The following TCEANC2 variants were observed in gnomAD, a reference collection of about 807,000 sequenced individuals.
TCEANC2 encodes transcription elongation factor A N-terminal and central domain containing 2.
A neutral mutation model predicts 22.8 loss-of-function variants in TCEANC2; 20 were observed. The ratio of observed to expected loss-of-function variants is 0.88; its 90% CI spans 0.62 to 1.28. The LOEUF is 1.28. Among genes scored for constraint, TCEANC2 ranks in the 50% most tolerant of loss-of-function variants. The probability of loss-of-function intolerance (pLI) is 0.00; values close to 1 mark genes in which losing one functional copy is unlikely to be tolerated. For synonymous variants in TCEANC2, 84 were observed against 95.5 expected (o/e 0.88, Z 0.70); for missense variants, 251 against 249.7 (o/e 1.01, Z -0.03).
intron 2 of TCEANC2, among the ~76,000 whole-genome samples, chr1:54,062,089 G>T (rs1021124077): frequency 6.6e-6 from 1 of 152,140 alleles, no homozygotes; most frequent in African/African-American, 2.4e-5. Context: ...GCCTTTGTAG[G>T]ATCAACTAGC....
chr1:54,064,566 G>A (rs186142714), intron 2 of TCEANC2, among the ~76,000 whole-genome samples: 44 of 151,170 alleles, frequency 2.9e-4, no homozygotes, highest in African/African-American at 1.0e-3. Flanking sequence ...CTGAAGTGAA[G>A]TTACAAAGTT....
At chr1:54,087,555 G>C (rs1658362292) in intron 3 of TCEANC2, among the ~76,000 whole-genome samples, 1 of 152,098 alleles carries the variant, frequency 6.6e-6, no homozygotes, top group South Asian at 2.1e-4. Flanking sequence ...TTCTTATTGT[G>C]CTTAACAAAG....
chr1:54,087,234 C>A (rs59555488), intron 3 of TCEANC2, among the ~76,000 whole-genome samples: 1 of 152,072 alleles, frequency 6.6e-6, no homozygotes, highest in Non-Finnish European at 1.5e-5. Flanking sequence ...TTTAGCCTTT[C>A]TAGGTATTTA....
At chr1:54,087,529 T>C (rs1658361670) in intron 3 of TCEANC2, among the ~76,000 whole-genome samples, 1 of 152,236 alleles carries the variant, frequency 6.6e-6, no homozygotes, top group Admixed American at 6.5e-5. Flanking sequence ...TATTTTCTCT[T>C]GTAATCACAG....
intron 3 of TCEANC2, among the ~76,000 whole-genome samples, chr1:54,082,868 GA>G (rs1658271944): frequency 6.6e-6 from 1 of 152,160 alleles, no homozygotes; most frequent in South Asian, 2.1e-4. Flanking sequence ...AATTGTGTTT[GA>G]AAAAGGTCAT....
In TCEANC2 at chr1:54,104,765, C is replaced by T. The variant is rs1157697698; in HGVS notation, c.*8292C>T. On this transcript the variant is annotated 3_prime_UTR_variant, in exon 5 of 5. Transcript: ENST00000234827. ...CCATGTTGGCCAGACTAGTTTTGAACTTCTGGCCTCAAGCAGTCCACCTGC... is the reference window on the plus strand; with the variant it reads ...CCATGTTGGCCAGACTAGTTTTGAATTTCTGGCCTCAAGCAGTCCACCTGC... 2.3e-6 allele frequency: 1 copy of T among 443,424 alleles called. No individual in the cohort carries two copies. The highest frequency in any genetic ancestry group is 4.6e-6 in the Non-Finnish European group (1 of 218,318). The allele number at this position is 443,424 out of a possible 1,614,324, so 27.5% of individuals were successfully genotyped here.
chr1:54,080,146 CTT>C (rs869271204), intron 3 of TCEANC2, among the ~76,000 whole-genome samples: 29 of 134,088 alleles, frequency 2.2e-4, no homozygotes, highest in Admixed American at 2.3e-4. Context: ...AATTTTCTTT[CTT>C]TTTTTTTTTT....
At chr1:54,058,619 C>G (rs904801236) in intron 2 of TCEANC2, among the ~76,000 whole-genome samples, 7 of 152,138 alleles carry the variant, frequency 4.6e-5, no homozygotes, top group East Asian at 1.9e-4. Flanking sequence ...TTTATATGTA[C>G]GCATTCCAGC....
At chr1:54,093,339 G>A (rs927130619) in intron 4 of TCEANC2, among the ~76,000 whole-genome samples, 2 of 152,134 alleles carry the variant, frequency 1.3e-5, no homozygotes, top group Non-Finnish European at 1.5e-5. Flanking sequence ...ATCAACTTGG[G>A]TGGGTTTGGA....
At chr1:54,094,817 A>G (rs1340663689) in intron 4 of TCEANC2, among the ~76,000 whole-genome samples, 1 of 152,062 alleles carries the variant, frequency 6.6e-6, no homozygotes, top group African/African-American at 2.4e-5. Context: ...TTTTCAAGGA[A>G]TTTTCTACTA....
chr1:54,094,191 T>G (rs553409788), intron 4 of TCEANC2, among the ~76,000 whole-genome samples: 1 of 152,204 alleles, frequency 6.6e-6, no homozygotes, highest in Non-Finnish European at 1.5e-5. Flanking sequence ...GGCCTGGATA[T>G]TCACTCTCTC....
rs7527305 is a variant in TCEANC2, at chr1:54,097,293, T to C, written c.*820T>C. Reference sequence around the variant, plus strand: ...ATAATACTTGTTTTTTTAAAAGTAATAGTAAGCTGGGAACTTTTTTTTCTA... The same window carrying C: ...ATAATACTTGTTTTTTTAAAAGTAACAGTAAGCTGGGAACTTTTTTTTCTA... On this transcript the variant is annotated 3_prime_UTR_variant, in exon 5 of 5. Coordinates refer to ENST00000234827, the MANE Select transcript of TCEANC2 (RefSeq NM_153035.3). 0.1 allele frequency: 15,217 copies of C among 152,302 alleles called. 1,812 individuals are homozygous for C. The highest frequency in any genetic ancestry group is 0.29 in the African/African-American group (12,115 of 41,468). 9.4% of individuals were successfully genotyped at this position (152,302 alleles called of 1,614,324 possible).
Position 54,104,475 on chromosome 1 carries a change from G to T in TCEANC2, c.*8002G>T. ...TACAGCTGCTGTTAAGCAATGGAGGGAAGGGAGGTATATCTTTGGTACTCA... is the reference window on the plus strand; with the variant it reads ...TACAGCTGCTGTTAAGCAATGGAGGTAAGGGAGGTATATCTTTGGTACTCA... On this transcript the variant is annotated 3_prime_UTR_variant, in exon 5 of 5. Coordinates refer to ENST00000234827, the MANE Select transcript of TCEANC2 (RefSeq NM_153035.3). 2.6e-6 allele frequency: 1 copy of T among 386,592 alleles called. No homozygotes were observed. The highest frequency in any genetic ancestry group is 5.2e-6 in the Non-Finnish European group (1 of 190,534). The allele number at this position is 386,592 out of a possible 1,614,324, so 23.9% of individuals were successfully genotyped here.
chr1:54,056,315 TTC>T (rs1657751145), intron 2 of TCEANC2, among the ~76,000 whole-genome samples: 3 of 151,518 alleles, frequency 2.0e-5, no homozygotes, highest in African/African-American at 4.9e-5. Context: ...TTCTTTTCTT[TTC>T]TTTTTTTTTG....
At chr1:54,054,859 T>G (rs1657716880) in intron 2 of TCEANC2, among the ~76,000 whole-genome samples, 1 of 152,224 alleles carries the variant, frequency 6.6e-6, no homozygotes, top group African/African-American at 2.4e-5. Context: ...CTGTACAAAC[T>G]TATTAAGGGG....
chr1:54,063,592 A>G (rs888520393), intron 2 of TCEANC2, among the ~76,000 whole-genome samples: 3 of 152,210 alleles, frequency 2.0e-5, no homozygotes, highest in Non-Finnish European at 4.4e-5. Context: ...AACACTTTTG[A>G]GTGCCAACAT....
chr1:54,111,478 C>T (rs1312575893), exon 5 of TCEANC2: 1 of 152,226 alleles, frequency 6.6e-6, no homozygotes, highest in Non-Finnish European at 1.5e-5. Context: ...GGAAGGTCAA[C>T]TGGAGTGGCC....
intron 3 of TCEANC2, among the ~76,000 whole-genome samples, chr1:54,078,727 A>G (rs1658187704): frequency 6.6e-6 from 1 of 152,212 alleles, no homozygotes; most frequent in African/African-American, 2.4e-5. Context: ...TCACCTTAGT[A>G]GATGAATTCT....
Position 54,097,092 on chromosome 1 carries a change from G to C in TCEANC2, c.*619G>C, listed in dbSNP as rs958808823. ...GAGGCTACTAATGAGGAACTGGCCC[G>C]AAGCCTCCCACACCTCAGGGTTTAT... On this transcript the variant is annotated 3_prime_UTR_variant, in exon 5 of 5. Transcript: ENST00000234827. The C allele has an allele frequency of 1.7e-6, 1 of 600,376 alleles. No individual in the cohort carries two copies. The highest frequency in any genetic ancestry group is 2.1e-6 in the Non-Finnish European group (1 of 477,708). The allele number at this position is 600,376 out of a possible 1,614,324, so 37.2% of individuals were successfully genotyped here.
Sources: allele counts gnomAD v4.1 joint callset (sites outside exome capture counted in the v4.1 genomes callset), GRCh38; gene constraint gnomAD v4.1.1; transcripts MANE v1.5; gene names NCBI Gene and HGNC (gene_info 2026-07-23, HGNC 2026-07-21).